The following DNAI4 variants were observed in gnomAD, a reference collection of about 807,000 sequenced individuals.
The protein encoded by DNAI4 is WD repeat domain 78.
DNAI4 carries 85 observed loss-of-function variants against 105.8 expected under a neutral mutation model. The observed-to-expected ratio is 0.80, with a 90% confidence interval of 0.67 to 0.96. The LOEUF (loss-of-function observed/expected upper bound fraction) is 0.96. Ranked by LOEUF, DNAI4 falls within the 40% of genes least tolerant of loss-of-function variation. The pLI is 0.00. For synonymous variants in DNAI4, 352 were observed against 331.5 expected, an observed-to-expected ratio of 1.06 and a Z score of -0.67; for missense variants, 1,014 against 1,005.6, an observed-to-expected ratio of 1.01 and a Z score of -0.11.
intron 5 of DNAI4, among the ~76,000 whole-genome samples, chr1:66,871,913 G>A (rs959335042): frequency 6.6e-6 from 1 of 152,112 alleles, no homozygotes; most frequent in Non-Finnish European, 1.5e-5. Flanking sequence ...TTGCACTGTG[G>A]CCAGAAATTT....
intron 7 of DNAI4, among the ~76,000 whole-genome samples, chr1:66,852,708 G>T (rs958544271): frequency 6.6e-6 from 1 of 151,980 alleles, no homozygotes; most frequent in African/African-American, 2.4e-5. Context: ...AACAAGCAGG[G>T]TGTTACGGAC....
chr1:66,893,119 A>AAGAAAGAAAGAAAGAAAG (rs1414013210), intron 3 of DNAI4, 110 bp downstream of exon 3: 5 of 526,850 alleles, frequency 9.5e-6, no homozygotes, highest in African/African-American at 8.0e-5. Flanking sequence ...GAAAGAAAGA[A>AAGAAAGAAAGAAAGAAAG]AGAAACTGGG....
chr1:66,899,936 A>G (rs991444572), intron 2 of DNAI4, among the ~76,000 whole-genome samples: 9 of 150,576 alleles, frequency 6.0e-5, no homozygotes, highest in South Asian at 4.2e-4. Context: ...CTTTGTGCCA[A>G]TAACACATGA....
chr1:66,878,657 T>A (rs1029453207), intron 4 of DNAI4, among the ~76,000 whole-genome samples: 3 of 152,160 alleles, frequency 2.0e-5, no homozygotes, highest in Non-Finnish European at 4.4e-5. Context: ...TATATTAATG[T>A]TTTTGACACT....
intron 6 of DNAI4, among the ~76,000 whole-genome samples, chr1:66,866,306 C>CA (rs142657265): frequency 1.4e-3 from 162 of 113,636 alleles, no homozygotes; most frequent in Non-Finnish European, 2.2e-3. Context: ...GACTCTGTCT[C>CA]AAAAAAAAAA....
At chr1:66,901,456 CTGAT>C (rs1410924579) in intron 2 of DNAI4, among the ~76,000 whole-genome samples, 2 of 152,074 alleles carry the variant, frequency 1.3e-5, no homozygotes, top group East Asian at 3.8e-4. Context: ...CTTTAACTTA[CTGAT>C]TATTTACCTA....
rs139480330 is a variant in DNAI4, at chr1:66,882,064, G to GA, written c.644-7128dup. 6.5e-3 allele frequency among the ~76,000 whole-genome samples: 985 copies of GA among 152,296 alleles called. 4 individuals are homozygous for GA. Among genetic ancestry groups the GA allele is most frequent in the African/African-American group, 0.022 (924 of 41,570 alleles). On this transcript the variant is annotated intron_variant, in intron 4 of 16. Transcript: ENST00000371026. Reference sequence around the variant, plus strand: ...CATCCTTGCCTTCCACCATGATTGTGAGGCCTCCCCAGCCATGTGAAATGT... The same window carrying GA: ...CATCCTTGCCTTCCACCATGATTGTGAAGGCCTCCCCAGCCATGTGAAATGT...
intron 15 of DNAI4, among the ~76,000 whole-genome samples, chr1:66,825,280 C>T (rs1021667158): frequency 2.0e-5 from 3 of 149,936 alleles, no homozygotes; most frequent in South Asian, 2.1e-4. Context: ...CCCGGGTTCA[C>T]GCCATTCTCC....
At position 66,847,691 on chromosome 1, in the gene DNAI4, A is replaced by C; in HGVS notation, c.1097-13T>G. 1 of 1,542,400 alleles carries C rather than the reference A, an allele frequency of 6.5e-7. No homozygotes were observed. Among genetic ancestry groups the C allele is most frequent in the South Asian group, 1.2e-5 (1 of 85,506 alleles). The stretch of plus-strand genomic sequence containing the variant: ...CTAGTTTCACTATCTACAAAATACA[A>C]ACATGATACAATGATAAAATATTCA... On this transcript the variant is annotated splice_polypyrimidine_tract_variant and intron_variant, in intron 7 of 16. Coordinates refer to ENST00000371026, the MANE Select transcript of DNAI4 (RefSeq NM_024763.5).
At chr1:66,905,099 ATGAG>A (rs1649138085) in intron 2 of DNAI4, 98 bp downstream of exon 2, 2 of 944,634 alleles carry the variant, frequency 2.1e-6, no homozygotes, top group African/African-American at 1.7e-5. Flanking sequence ...TTTCAAAATT[ATGAG>A]TGATTATCTG....
intron 1 of DNAI4, among the ~76,000 whole-genome samples, chr1:66,911,238 A>G (rs10749766): frequency 0.58 from 88,103 of 152,056 alleles, 27,696 homozygotes; most frequent in East Asian, 0.84. Flanking sequence ...AAAGTATATT[A>G]CAATGGATAC....
intron 7 of DNAI4, among the ~76,000 whole-genome samples, chr1:66,852,192 CT>C: frequency 6.6e-6 from 1 of 151,484 alleles, no homozygotes; most frequent in African/African-American, 2.4e-5. Context: ...TTATATTATG[CT>C]ATTAATAATA....
rs565338206 is a variant in DNAI4, at chr1:66,903,485, C to T, written c.345+1716G>A. On this transcript the variant is annotated intron_variant, in intron 2 of 16. Coordinates refer to ENST00000371026, the MANE Select transcript of DNAI4 (RefSeq NM_024763.5). ...AGAGAGAACTTTACTTCTTCCTTTC[C>T]GATCTGGGTGCCTTTTATTTATTTT... is the stretch of plus-strand genomic sequence containing the variant. Among the ~76,000 whole-genome samples the T allele has an allele frequency of 4.6e-5, 7 of 152,032 alleles. No individual in the cohort carries two copies. The South Asian group carries it at 6.2e-4, about 14-fold the overall frequency.
chr1:66,885,764 C>T (rs1340196147), intron 4 of DNAI4, among the ~76,000 whole-genome samples: 1 of 151,934 alleles, frequency 6.6e-6, no homozygotes, highest in East Asian at 1.9e-4. Flanking sequence ...GATTTTTTTC[C>T]TTCTGGCTTC....
At chr1:66,848,441 G>C (rs1646325022) in intron 7 of DNAI4, 2 of 357,094 alleles carry the variant, frequency 5.6e-6, no homozygotes, top group Non-Finnish European at 1.1e-5. Context: ...TGCCATGTTA[G>C]GTAACACATT....
At chr1:66,891,105 T>C in intron 4 of DNAI4, 49 bp downstream of exon 4, 1 of 1,329,890 alleles carries the variant, frequency 7.5e-7, no homozygotes. Context: ...ATAAGCATAT[T>C]GACTAAATAA....
intron 8 of DNAI4, among the ~76,000 whole-genome samples, chr1:66,841,103 G>C (rs997058634): frequency 2.0e-5 from 3 of 152,148 alleles, no homozygotes; most frequent in African/African-American, 7.2e-5. Context: ...CTGAAATTTT[G>C]TCAGATTTAC....
intron 6 of DNAI4, among the ~76,000 whole-genome samples, chr1:66,866,921 C>G (rs1646746184): frequency 6.6e-6 from 1 of 152,156 alleles, no homozygotes. Flanking sequence ...GGAGGCTTCA[C>G]AGTCATGGTG....
intron 2 of DNAI4, among the ~76,000 whole-genome samples, chr1:66,897,924 T>C (rs983347078): frequency 6.6e-6 from 1 of 152,024 alleles, no homozygotes; most frequent in Admixed American, 6.5e-5. Flanking sequence ...GGGAGCAGGA[T>C]TGCCACAGGA....
Sources: gnomAD v4.1 joint callset for allele counts (sites outside exome capture counted in the v4.1 genomes callset) on GRCh38, gnomAD v4.1.1 for gene constraint, MANE v1.5 for transcripts, NCBI Gene and HGNC (gene_info 2026-07-23, HGNC 2026-07-21) for gene names.